The following ARHGAP24 variants were observed in gnomAD, a reference collection of about 807,000 sequenced individuals.
ARHGAP24 encodes rho GTPase-activating protein 24.
In ARHGAP24, 50 loss-of-function variants were observed where a neutral mutation model predicts 76.4. The ratio of observed to expected loss-of-function variants is 0.65; its 90% CI spans 0.52 to 0.83. The LOEUF is 0.83. Among genes scored for constraint, ARHGAP24 ranks in the 40% least tolerant of loss-of-function variants. ARHGAP24 has a pLI of 0.00. For missense variants in ARHGAP24, 930 were observed against 914.2 expected, an observed-to-expected ratio of 1.02 and a Z score of -0.22; for synonymous variants, 345 against 323.3, an observed-to-expected ratio of 1.07 and a Z score of -0.72.
At chr4:85,896,418 C>A (rs995989888) in intron 3 of ARHGAP24, among the ~76,000 whole-genome samples, 1 of 152,164 alleles carries the variant, frequency 6.6e-6, no homozygotes, top group African/African-American at 2.4e-5. Context: ...TTGTTTTAAA[C>A]CTTTTCTGCA....
intron 1 of ARHGAP24, among the ~76,000 whole-genome samples, chr4:85,499,941 T>A (rs922925632): frequency 6.6e-6 from 1 of 152,202 alleles, no homozygotes; most frequent in Non-Finnish European, 1.5e-5. Flanking sequence ...ACAACTCACC[T>A]CTGGAGATCT....
chr4:85,507,563 A>G (rs1049157524), intron 1 of ARHGAP24, among the ~76,000 whole-genome samples: 2 of 152,228 alleles, frequency 1.3e-5, no homozygotes, highest in Non-Finnish European at 2.9e-5. Context: ...GAGAATAAAC[A>G]ATGAAATGGT....
chr4:85,489,638 G>A (rs1165572970), intron 1 of ARHGAP24, among the ~76,000 whole-genome samples: 11 of 152,146 alleles, frequency 7.2e-5, no homozygotes, highest in African/African-American at 2.4e-4. Flanking sequence ...AACCTTTGCA[G>A]GAAGCTTTGA....
chr4:85,921,341 T>C (rs116689621), intron 3 of ARHGAP24, among the ~76,000 whole-genome samples: 2,293 of 152,072 alleles, frequency 0.015, 66 homozygotes, highest in African/African-American at 0.052. Context: ...TGAGAACACA[T>C]AGGCACATAG....
intron 1 of ARHGAP24, among the ~76,000 whole-genome samples, chr4:85,569,204 G>C (rs1726972838): frequency 1.3e-5 from 2 of 152,182 alleles, no homozygotes; most frequent in African/African-American, 4.8e-5. Context: ...ATAAAACAGG[G>C]ACTTTGTTTA....
chr4:85,876,403 A>G (rs550915578), intron 3 of ARHGAP24, among the ~76,000 whole-genome samples: 60 of 152,300 alleles, frequency 3.9e-4, no homozygotes, highest in Middle Eastern at 3.4e-3. Context: ...CTAGTTTCTT[A>G]AAATTGAATG....
Position 85,608,932 on chromosome 4 carries a change from G to A in ARHGAP24, c.180+38211G>A, listed in dbSNP as rs922526272. Among the ~76,000 whole-genome samples the A allele has an allele frequency of 7.9e-5, 12 of 152,194 alleles. No homozygotes were observed. The East Asian group carries it at 2.3e-3, about 29-fold the overall frequency. ...AGGACTTTCTTTAGTTAGAGAGATA[G>A]CACAGGCTGCTTAGGTTTGAATCCT... On this transcript the variant is annotated intron_variant, in intron 2 of 9. Transcript: ENST00000395184.
rs1468074526 is a variant in ARHGAP24 at position 85,916,004 on chromosome 4, C to T, written c.269-7644C>T. On this transcript the variant is annotated intron_variant, in intron 3 of 9. Transcript: ENST00000395184. ...CCTGGAGGAATCAACACACTGTCTT[C>T]CACAACAGTTGAACTAATTTACACT... Among the ~76,000 whole-genome samples the T allele has an allele frequency of 2.0e-5, 3 of 152,300 alleles. No homozygotes were observed. The East Asian group carries it at 5.8e-4, about 29-fold the overall frequency.
rs76632157 is a variant in ARHGAP24 at position 85,627,491 on chromosome 4, G to C, written c.180+56770G>C. On this transcript the variant is annotated intron_variant, in intron 2 of 9. Transcript: ENST00000395184. ...GGTGTCAGTCTGCACCTACTGGTTG[G>C]TGCCTCCCAGTTAGGCTCCTCAGTG... Among the ~76,000 whole-genome samples, 3 of 152,170 alleles carry C rather than the reference G, an allele frequency of 2.0e-5. No homozygotes were observed. In the South Asian group the frequency reaches 6.2e-4, roughly 31 times the overall value.
chr4:85,931,851 TATA>T (rs1241743039), intron 4 of ARHGAP24, among the ~76,000 whole-genome samples: 4 of 152,166 alleles, frequency 2.6e-5, no homozygotes, highest in Non-Finnish European at 4.4e-5. Flanking sequence ...ACTAAGTAAT[TATA>T]ATGTTAATGA....
intron 3 of ARHGAP24, among the ~76,000 whole-genome samples, chr4:85,727,530 T>G (rs1239980649): frequency 6.6e-6 from 1 of 152,170 alleles, no homozygotes; most frequent in Non-Finnish European, 1.5e-5. Context: ...TTCCTTATTA[T>G]GAATAAAGGT....
intron 3 of ARHGAP24, among the ~76,000 whole-genome samples, chr4:85,860,926 G>C (rs1053586415): frequency 7.3e-5 from 11 of 151,602 alleles, no homozygotes; most frequent in African/African-American, 2.7e-4. Context: ...ATTTTAATCA[G>C]TATTTAATAT....
At chr4:85,547,084 A>G (rs1725949097) in intron 1 of ARHGAP24, among the ~76,000 whole-genome samples, 1 of 152,190 alleles carries the variant, frequency 6.6e-6, no homozygotes, top group Non-Finnish European at 1.5e-5. Flanking sequence ...ATACAATATT[A>G]TCTATTCCAC....
At chr4:85,934,455 TTC>T in intron 4 of ARHGAP24, among the ~76,000 whole-genome samples, 1 of 152,324 alleles carries the variant, frequency 6.6e-6, no homozygotes, top group Non-Finnish European at 1.5e-5. Context: ...TCAGCAAGCT[TTC>T]TCTGTTTACC....
At chr4:85,741,186 C>A (rs763348768) in intron 3 of ARHGAP24, among the ~76,000 whole-genome samples, 12 of 152,058 alleles carry the variant, frequency 7.9e-5, no homozygotes, top group Non-Finnish European at 1.3e-4. Flanking sequence ...CCTTCGGCAC[C>A]AGAGAGGTGG....
chr4:85,645,261 C>A (rs1721681043), intron 2 of ARHGAP24, among the ~76,000 whole-genome samples: 2 of 152,078 alleles, frequency 1.3e-5, no homozygotes, highest in Admixed American at 6.6e-5. Flanking sequence ...TGGTTATTGG[C>A]ACATTTAATT....
intron 3 of ARHGAP24, chr4:85,778,854 AGCTCTG>A (rs1727413078): frequency 2.0e-6 from 2 of 985,316 alleles, no homozygotes; most frequent in Admixed American, 6.1e-5. Flanking sequence ...TTTCCAGACA[AGCTCTG>A]TACTTTTTTG....
rs992787082 is a variant in ARHGAP24 at position 85,923,564 on chromosome 4, C to T, written c.269-84C>T. On this transcript the variant is annotated intron_variant, in intron 3 of 9. Transcript: ENST00000395184. ...TAGTGCGGGCTGTATTAGGCACAGT[C>T]TCTGTTTCAGGGGTTCTTCTGGAGG... 5.7e-6 allele frequency: 9 copies of T among 1,585,844 alleles called. No homozygotes were observed. In the African/African-American group the frequency reaches 6.7e-5, roughly 12 times the overall value.
At chr4:85,740,723 A>C (rs1388045661) in intron 3 of ARHGAP24, among the ~76,000 whole-genome samples, 1 of 152,162 alleles carries the variant, frequency 6.6e-6, no homozygotes, top group Non-Finnish European at 1.5e-5. Flanking sequence ...TGTGAGTGGA[A>C]GATGATGTCA....
Sources: gnomAD v4.1 joint callset for allele counts (sites outside exome capture counted in the v4.1 genomes callset) on GRCh38, gnomAD v4.1.1 for gene constraint, MANE v1.5 for transcripts, NCBI Gene and HGNC (gene_info 2026-07-23, HGNC 2026-07-21) for gene names.